Variants in CPNE4 observed in about 807,000 individuals in gnomAD.
CPNE4 encodes the protein copine 4.
Under a neutral mutation model 67.9 loss-of-function variants are expected in CPNE4, and 25 were observed. That is an observed-to-expected ratio of 0.37 (90% confidence interval 0.27 to 0.51). CPNE4 has a LOEUF of 0.51. Ranked by LOEUF, CPNE4 falls within the 20% of genes least tolerant of loss-of-function variation. The pLI, the probability that CPNE4 is intolerant of heterozygous loss-of-function variation, is 0.93. For missense variants in CPNE4, 464 were observed against 690.8 expected, an observed-to-expected ratio of 0.67 and a Z score of 3.68; for synonymous variants, 242 against 244.9, an observed-to-expected ratio of 0.99 and a Z score of 0.11.
chr3:132,036,278 G>C (rs1324314727), upstream of CPNE4, among the ~76,000 whole-genome samples: 3 of 152,152 alleles, frequency 2.0e-5, no homozygotes, highest in Non-Finnish European at 2.9e-5. Context: ...TGGGTCACAT[G>C]GCTATGCATA....
intron 3 of CPNE4, among the ~76,000 whole-genome samples, chr3:131,721,849 A>T (rs1409184625): frequency 6.6e-6 from 1 of 152,206 alleles, no homozygotes; most frequent in Non-Finnish European, 1.5e-5. Context: ...CAAATCCACA[A>T]TGCATTTATT....
chr3:131,885,535 A>T (rs1405101302), intron 2 of CPNE4, among the ~76,000 whole-genome samples: 2 of 151,216 alleles, frequency 1.3e-5, no homozygotes, highest in African/African-American at 2.4e-5. Context: ...ATTTTTTTTA[A>T]TTTTTTTATT....
In CPNE4 at chr3:131,792,666, TATATAC is replaced by T. The variant is rs1194658281; in HGVS notation, c.181-69047_181-69042del. On this transcript the variant is annotated intron_variant, in intron 2 of 15. Coordinates refer to ENST00000429747, the MANE Select transcript of CPNE4 (RefSeq NM_130808.3). ...ATATATGTATATATACACACGTGTA[TATATAC>T]ATATATACACACGTGTATATATACA... is the stretch of plus-strand genomic sequence containing the variant. Among the ~76,000 whole-genome samples the T allele has an allele frequency of 6.5e-4, 46 of 71,168 alleles. 2 individuals carry two copies. The highest frequency in any genetic ancestry group is 2.1e-3 in the African/African-American group (39 of 18,496). 46.7% of individuals were successfully genotyped at this position (71,168 alleles called of 152,430 possible). A position where few individuals can be genotyped will look rare whatever the true frequency, so the allele number is the denominator to read the frequency against.
intron 3 of CPNE4, among the ~76,000 whole-genome samples, chr3:131,701,358 A>G (rs915491757): frequency 1.3e-5 from 2 of 152,150 alleles, no homozygotes; most frequent in African/African-American, 2.4e-5. Flanking sequence ...TATCTTCATA[A>G]TATTCATGCT....
At chr3:131,803,287 A>T (rs1298279232) in intron 2 of CPNE4, among the ~76,000 whole-genome samples, 1 of 152,142 alleles carries the variant, frequency 6.6e-6, no homozygotes. Flanking sequence ...CATATTTAGC[A>T]CAGTGCCTGG....
At chr3:131,666,106 C>G (rs1210979293) in intron 7 of CPNE4, among the ~76,000 whole-genome samples, 2 of 151,718 alleles carry the variant, frequency 1.3e-5, no homozygotes, top group East Asian at 1.9e-4. Context: ...GCTAGCTGTA[C>G]CAGGTATTAA....
At chr3:131,750,981 T>C (rs2107796420) in intron 2 of CPNE4, among the ~76,000 whole-genome samples, 1 of 152,266 alleles carries the variant, frequency 6.6e-6, no homozygotes, top group East Asian at 1.9e-4. Flanking sequence ...CCCTTCCTTC[T>C]TTCTTCTATG....
At chr3:131,955,410 G>GTTTTTTTTTTTGTTTTTTTTTTGT (rs2071920229) in intron 1 of CPNE4, among the ~76,000 whole-genome samples, 2 of 42,266 alleles carry the variant, frequency 4.7e-5, no homozygotes, top group African/African-American at 1.9e-4. Flanking sequence ...TGTATGTAAG[G>GTTTTTTTTTTTGTTTTTTTTTTGT]TTTTTTTTTT....
rs545946045 is a variant in CPNE4, at chr3:131,892,269, C to G, written c.180+12995G>C. ...GCCACCAATGTGGAAGCCAGCTTAA[C>G]TACCTCTTACCCTCATGATCTAAGC... is the stretch of plus-strand genomic sequence containing the variant. On this transcript the variant is annotated intron_variant, in intron 2 of 15. Transcript: ENST00000429747. Among the ~76,000 whole-genome samples the G allele has an allele frequency of 3.3e-5, 5 of 152,260 alleles. No homozygotes were observed. The East Asian group carries it at 9.6e-4, about 29-fold the overall frequency.
chr3:131,894,207 TTGAG>T (rs1298768869), intron 2 of CPNE4, among the ~76,000 whole-genome samples: 1 of 151,478 alleles, frequency 6.6e-6, no homozygotes, highest in Non-Finnish European at 1.5e-5. Flanking sequence ...AGTGAAAAAA[TTGAG>T]TGAGTAATAA....
chr3:131,735,043 C>T (rs2082204647), intron 2 of CPNE4, among the ~76,000 whole-genome samples: 2 of 152,226 alleles, frequency 1.3e-5, no homozygotes, highest in South Asian at 4.1e-4. Flanking sequence ...AGCGTGCCTA[C>T]AAGGTCTAGG....
chr3:131,624,509 A>ATT lies in CPNE4; in HGVS notation c.682-36929_682-36928dup, dbSNP rs145857200. Among the ~76,000 whole-genome samples, 335 of 148,216 alleles carry ATT rather than the reference A, an allele frequency of 2.3e-3. 8 individuals are homozygous for ATT. Among genetic ancestry groups the ATT allele is most frequent in the Non-Finnish European group, 2.8e-3 (186 of 66,836 alleles). The stretch of plus-strand genomic sequence containing the variant: ...TTTTTGTCCCTTCCTCAATTTAACC[A>ATT]TTTTTTTTTTACATAGCAGAATAAT... On this transcript the variant is annotated intron_variant, in intron 7 of 15. Coordinates refer to ENST00000429747, the MANE Select transcript of CPNE4 (RefSeq NM_130808.3).
chr3:131,541,909 G>A (rs539692331), intron 15 of CPNE4, among the ~76,000 whole-genome samples: 103 of 152,234 alleles, frequency 6.8e-4, no homozygotes, highest in African/African-American at 1.7e-3. Flanking sequence ...GACCTCAGGC[G>A]ATACACCCAC....
intron 3 of CPNE4, among the ~76,000 whole-genome samples, chr3:131,718,477 A>G (rs2081796223): frequency 1.3e-5 from 2 of 152,176 alleles, no homozygotes; most frequent in Non-Finnish European, 2.9e-5. Flanking sequence ...TAAGTCACTT[A>G]AGAGTTCTCT....
At chr3:131,842,746 A>AAAAG (rs1553784369) in intron 2 of CPNE4, among the ~76,000 whole-genome samples, 2,134 of 149,762 alleles carry the variant, frequency 0.014, 19 homozygotes, top group Non-Finnish European at 0.023. Flanking sequence ...AAAAAAAAAA[A>AAAAG]AAAGAAAAAG....
chr3:132,007,028 G>A (rs2107672292), intron 1 of CPNE4, among the ~76,000 whole-genome samples: 1 of 152,172 alleles, frequency 6.6e-6, no homozygotes, highest in East Asian at 1.9e-4. Context: ...GCTGGTCCAG[G>A]GCTGTTATCC....
chr3:132,027,602 T>G (rs1390425175), intron 1 of CPNE4, among the ~76,000 whole-genome samples: 4 of 152,182 alleles, frequency 2.6e-5, no homozygotes, highest in African/African-American at 9.6e-5. Flanking sequence ...TCGGGAGCTC[T>G]GCAGTCTACC....
chr3:131,672,571 AT>A (rs1236858470), intron 6 of CPNE4, among the ~76,000 whole-genome samples: 2 of 151,988 alleles, frequency 1.3e-5, no homozygotes, highest in African/African-American at 4.8e-5. Context: ...TGTTTTGCAT[AT>A]CTCTGATGAT....
At chr3:131,664,386 C>T (rs1490685617) in intron 7 of CPNE4, among the ~76,000 whole-genome samples, 1 of 152,076 alleles carries the variant, frequency 6.6e-6, no homozygotes, top group Non-Finnish European at 1.5e-5. Context: ...GCCATATTTC[C>T]TAGAATCTAA....
Sources: gnomAD v4.1 joint callset for allele counts (sites outside exome capture counted in the v4.1 genomes callset) on GRCh38, gnomAD v4.1.1 for gene constraint, MANE v1.5 for transcripts, NCBI Gene and HGNC (gene_info 2026-07-23, HGNC 2026-07-21) for gene names.